Variants in RP1 observed in about 807,000 individuals in gnomAD.
The protein encoded by RP1 is oxygen-regulated protein 1.
A neutral mutation model predicts 14.8 loss-of-function variants in RP1; 16 were observed. The ratio of observed to expected loss-of-function variants is 1.08; its 90% CI spans 0.73 to 1.65. RP1 has a LOEUF of 1.65. Ranked by LOEUF, RP1 falls within the 40% of genes most tolerant of loss-of-function variation. The pLI, the probability that RP1 is intolerant of heterozygous loss-of-function variation, is 0.00. For missense variants in RP1, 2,631 were observed against 2,535.0 expected (o/e 1.04, Z -0.81); for synonymous variants, 876 against 883.6 (o/e 0.99, Z 0.15).
At chr8:54,713,935 T>A (rs888374746) in intron 15 of RP1, among the ~76,000 whole-genome samples, 3 of 152,248 alleles carry the variant, frequency 2.0e-5, no homozygotes, top group Non-Finnish European at 2.9e-5. Context: ...AAATCTGACG[T>A]AGGAAAATTA....
chr8:54,834,138 T>C (rs1441182694), intron 24 of RP1, among the ~76,000 whole-genome samples: 3 of 151,972 alleles, frequency 2.0e-5, no homozygotes, highest in African/African-American at 7.2e-5. Flanking sequence ...GACTGAAACT[T>C]AAGACTTAAG....
At chr8:54,717,373 G>A (rs1337550256) in intron 15 of RP1, among the ~76,000 whole-genome samples, 1 of 152,120 alleles carries the variant, frequency 6.6e-6, no homozygotes, top group Non-Finnish European at 1.5e-5. Flanking sequence ...GGAAGAATTA[G>A]CAATGAGAAT....
chr8:54,559,952 G>A (rs1804248109), intron 1 of RP1, among the ~76,000 whole-genome samples: 1 of 152,202 alleles, frequency 6.6e-6, no homozygotes, highest in Non-Finnish European at 1.5e-5. Context: ...TGACTCTGTG[G>A]TTTCTAACTT....
intron 21 of RP1, among the ~76,000 whole-genome samples, chr8:54,758,478 G>A (rs1225706280): frequency 7.0e-6 from 1 of 142,240 alleles, no homozygotes; most frequent in Non-Finnish European, 1.5e-5. Flanking sequence ...GGGAGGGAGG[G>A]AAGGAGGGAG....
intron 23 of RP1, among the ~76,000 whole-genome samples, chr8:54,775,050 C>T (rs1021358793): frequency 5.9e-5 from 9 of 151,742 alleles, no homozygotes; most frequent in Admixed American, 4.6e-4. Context: ...TGGATGTCAA[C>T]AGCATGCACC....
chr8:54,638,880 T>TTCTCTCTC lies in RP1; in HGVS notation c.788-10084_788-10077dup, dbSNP rs56712955. Among the ~76,000 whole-genome samples the TTCTCTCTC allele has an allele frequency of 3.7e-3, 444 of 120,286 alleles. 5 individuals carry two copies. The highest frequency in any genetic ancestry group is 0.014 in the African/African-American group (405 of 28,914). The allele number at this position is 120,286 out of a possible 152,430, so 78.9% of individuals were successfully genotyped here. A position where few individuals can be genotyped will look rare whatever the true frequency, so the allele number is the denominator to read the frequency against. On this transcript the variant is annotated intron_variant, in intron 3 of 22. Coordinates refer to the RP1 transcript ENST00000636932. ...AATAATTCCTTAATTTTTAATTTTC[T>TTCTCTCTC]TCTCTCTCTCTCTCTCTCTCTCTCT...
chr8:54,632,449 C>T (rs753722438), downstream of RP1, among the ~76,000 whole-genome samples: 14 of 152,168 alleles, frequency 9.2e-5, no homozygotes, highest in Admixed American at 1.3e-4. Context: ...TTAAAGTGAA[C>T]GTGTTCACAT....
chr8:54,720,428 G>T, intron 16 of RP1: 1 of 910,046 alleles, frequency 1.1e-6, no homozygotes, highest in Non-Finnish European at 1.6e-6. Flanking sequence ...TTTGTTTGTT[G>T]TCATTCCAGA....
At chr8:54,570,296 G>C (rs566180129) in intron 1 of RP1, among the ~76,000 whole-genome samples, 24 of 151,874 alleles carry the variant, frequency 1.6e-4, no homozygotes, top group Non-Finnish European at 2.8e-4. Flanking sequence ...CAACTGAATG[G>C]GTGTTCAGTA....
In RP1 at chr8:54,625,539, A is replaced by G. The variant is rs1466161922; in HGVS notation, c.1657A>G (p.Thr553Ala). ...SAISAGVIEI[T>A]SQKMLEMSHN... is the part of the protein sequence containing the mutation. ...AATAAGTGCTGGTGTTATAGAAATT[A>G]CAAGTCAGAAGATGTTAGAGATGTC... is the stretch of plus-strand genomic sequence containing the variant. Residue 553 changes from threonine to alanine, a missense_variant, in exon 4 of 4, where the codon ACA (threonine) becomes GCA (alanine). Physicochemically the swap from Thr to Ala is moderately conservative, Grantham distance 58. Coordinates refer to ENST00000220676, the MANE Select transcript of RP1 (RefSeq NM_006269.2). The G allele has an allele frequency of 3.1e-6, 5 of 1,613,964 alleles. No homozygotes were observed. The highest frequency in any genetic ancestry group is 3.3e-5 in the Admixed American group (2 of 60,014).
At chr8:54,766,589 C>A (rs926980711) in intron 22 of RP1, among the ~76,000 whole-genome samples, 1 of 152,098 alleles carries the variant, frequency 6.6e-6, no homozygotes, top group Non-Finnish European at 1.5e-5. Context: ...ATTTCTTCTG[C>A]CATTTTCAAT....
intron 24 of RP1, among the ~76,000 whole-genome samples, chr8:54,808,972 C>T (rs890706780): frequency 6.6e-6 from 1 of 152,152 alleles, no homozygotes; most frequent in Non-Finnish European, 1.5e-5. Context: ...TTTTATAATG[C>T]TAATGAAGAA....
At chr8:54,851,296 C>T (rs1812056651) in intron 25 of RP1, among the ~76,000 whole-genome samples, 1 of 152,102 alleles carries the variant, frequency 6.6e-6, no homozygotes, top group Non-Finnish European at 1.5e-5. Flanking sequence ...TTTATGTATA[C>T]TTTCAAACAC....
intron 6 of RP1, among the ~76,000 whole-genome samples, chr8:54,657,162 T>G (rs1806772977): frequency 6.6e-6 from 1 of 152,196 alleles, no homozygotes; most frequent in Non-Finnish European, 1.5e-5. Context: ...AGTATTTTTT[T>G]CACCATTTAG....
chr8:54,773,618 C>T (rs541015420), downstream of RP1, among the ~76,000 whole-genome samples: 2 of 152,224 alleles, frequency 1.3e-5, no homozygotes, highest in South Asian at 2.1e-4. Context: ...GCCTGGGCAA[C>T]AGATCAAGAC....
At chr8:54,565,607 G>A (rs182663527) in intron 1 of RP1, among the ~76,000 whole-genome samples, 5 of 152,066 alleles carry the variant, frequency 3.3e-5, no homozygotes, top group African/African-American at 1.2e-4. Flanking sequence ...CCATAGAGGG[G>A]CATGATGAGA....
At chr8:54,674,097 A>G (rs148514238) in intron 8 of RP1, among the ~76,000 whole-genome samples, 78 of 152,276 alleles carry the variant, frequency 5.1e-4, no homozygotes, top group African/African-American at 1.8e-3. Context: ...ATTTAACTAG[A>G]TGTATTTTTC....
At chr8:54,579,796 G>A (rs531815213) in intron 1 of RP1, among the ~76,000 whole-genome samples, 19 of 152,264 alleles carry the variant, frequency 1.2e-4, no homozygotes, top group Admixed American at 1.1e-3. Flanking sequence ...CTGAGCCTAA[G>A]TTCCTTATTC....
intron 17 of RP1, among the ~76,000 whole-genome samples, chr8:54,727,711 T>G (rs1808691673): frequency 6.6e-6 from 1 of 152,010 alleles, no homozygotes; most frequent in Non-Finnish European, 1.5e-5. Context: ...GTGTGCCCAT[T>G]AAATGTCAGA....
Sources: allele counts gnomAD v4.1 joint callset (sites outside exome capture counted in the v4.1 genomes callset), GRCh38; gene constraint gnomAD v4.1.1; transcripts MANE v1.5; gene names NCBI Gene and HGNC (gene_info 2026-07-23, HGNC 2026-07-21).